RBFOX1: variants seen among roughly 807,000 people sequenced by gnomAD.
The protein encoded by RBFOX1 is RNA binding fox-1 homolog 1.
A neutral mutation model predicts 57.7 loss-of-function variants in RBFOX1; 8 were observed. The observed-to-expected ratio is 0.14, with a 90% CI of 0.08 to 0.25. The LOEUF (loss-of-function observed/expected upper bound fraction) is 0.25. Among genes scored for constraint, RBFOX1 ranks in the 10% least tolerant of loss-of-function variants. RBFOX1 has a pLI of 1.00. For missense variants in RBFOX1, 611 were observed against 548.5 expected, an observed-to-expected ratio of 1.11 and a Z score of -1.14; for synonymous variants, 326 against 222.4, an observed-to-expected ratio of 1.47 and a Z score of -4.15.
intron 2 of RBFOX1, among the ~76,000 whole-genome samples, chr16:6,505,624 G>C (rs933774740): frequency 6.6e-6 from 1 of 152,118 alleles, no homozygotes; most frequent in East Asian, 1.9e-4. Flanking sequence ...ATAAGGTATT[G>C]ATTTAATCCT....
At chr16:7,455,911 C>G (rs1459529597) in intron 4 of RBFOX1, among the ~76,000 whole-genome samples, 2 of 151,388 alleles carry the variant, frequency 1.3e-5, no homozygotes, top group Non-Finnish European at 2.9e-5. Flanking sequence ...TGTTTTTATT[C>G]TTACAGCACC....
intron 2 of RBFOX1, among the ~76,000 whole-genome samples, chr16:6,610,891 C>A (rs889894885): frequency 6.6e-6 from 1 of 152,176 alleles, no homozygotes; most frequent in Non-Finnish European, 1.5e-5. Context: ...TTTGATATGC[C>A]TGTTCCACTG....
chr16:6,878,672 G>C (rs571503630), intron 3 of RBFOX1, among the ~76,000 whole-genome samples: 1 of 152,258 alleles, frequency 6.6e-6, no homozygotes. Context: ...TAATTCAAAG[G>C]TAACTCAACA....
intron 2 of RBFOX1, among the ~76,000 whole-genome samples, chr16:6,532,771 G>A (rs375002994): frequency 4.6e-5 from 7 of 152,178 alleles, no homozygotes; most frequent in African/African-American, 1.2e-4. Flanking sequence ...GGCATTTACC[G>A]TCCCCACTCC....
intron 2 of RBFOX1, among the ~76,000 whole-genome samples, chr16:6,324,033 A>G (rs1230543216): frequency 1.3e-5 from 2 of 152,100 alleles, no homozygotes; most frequent in Non-Finnish European, 2.9e-5. Context: ...TCAGCCTCCC[A>G]AAGTGCTGAG....
At chr16:6,410,654 G>A (rs1567214461) in intron 2 of RBFOX1, among the ~76,000 whole-genome samples, 1 of 152,128 alleles carries the variant, frequency 6.6e-6, no homozygotes, top group Non-Finnish European at 1.5e-5. Context: ...AGACCAAGGC[G>A]TGCGGAAGCA....
chr16:5,917,223 G>A (rs1047663385), intron 4 of RBFOX1, among the ~76,000 whole-genome samples: 7 of 152,138 alleles, frequency 4.6e-5, no homozygotes, highest in Admixed American at 4.6e-4. Context: ...CACCCCAGAG[G>A]AGAGACTTGC....
chr16:7,240,003 G>C (rs955201334), intron 4 of RBFOX1, among the ~76,000 whole-genome samples: 1 of 152,164 alleles, frequency 6.6e-6, no homozygotes, highest in African/African-American at 2.4e-5. Flanking sequence ...GCCTAGCTCT[G>C]TCGCCCAGGC....
rs899722799 is a variant in RBFOX1 at position 7,235,634 on chromosome 16, T to A, written c.27+183536T>A. Among the ~76,000 whole-genome samples, 3 of 152,178 alleles carry A rather than the reference T, an allele frequency of 2.0e-5. No homozygotes were observed. The East Asian group carries it at 5.8e-4, about 29-fold the overall frequency. On this transcript the variant is annotated intron_variant, in intron 4 of 15. Transcript: ENST00000550418. ...GCCATATCTTGGGATGAATTAGCCT[T>A]TTGTGGGATGAATATGATGCCTCCC...
At chr16:6,834,680 G>A (rs2092956495) in intron 3 of RBFOX1, among the ~76,000 whole-genome samples, 1 of 152,110 alleles carries the variant, frequency 6.6e-6, no homozygotes, top group Non-Finnish European at 1.5e-5. Flanking sequence ...ATAAAATTTA[G>A]AATAATATTG....
chr16:5,739,670 C>T (rs368335848), intron 3 of RBFOX1, among the ~76,000 whole-genome samples: 6 of 152,134 alleles, frequency 3.9e-5, no homozygotes, highest in South Asian at 4.2e-4. Context: ...TTCTGTGCAC[C>T]CTAAGCTTCA....
chr16:7,421,121 G>A (rs1422576096), intron 4 of RBFOX1, among the ~76,000 whole-genome samples: 3 of 151,934 alleles, frequency 2.0e-5, no homozygotes, highest in African/African-American at 7.3e-5. Context: ...CTACAGGTTG[G>A]GCCAAGGTGG....
chr16:7,403,503 G>A (rs907632793), intron 4 of RBFOX1, among the ~76,000 whole-genome samples: 2 of 150,810 alleles, frequency 1.3e-5, no homozygotes, highest in East Asian at 2.0e-4. Flanking sequence ...TCTGTGTCTG[G>A]TTTATTTTCT....
chr16:7,349,529 C>CTT (rs77161628), intron 4 of RBFOX1, among the ~76,000 whole-genome samples: 26 of 150,738 alleles, frequency 1.7e-4, no homozygotes, highest in Middle Eastern at 3.5e-3. Context: ...ATTTAAAAGA[C>CTT]TTTTTTTTTT....
intron 4 of RBFOX1, among the ~76,000 whole-genome samples, chr16:7,436,509 C>G (rs1483154376): frequency 6.6e-6 from 1 of 152,194 alleles, no homozygotes; most frequent in African/African-American, 2.4e-5. Context: ...AACAGCATGG[C>G]GTTATGCCTC....
chr16:5,331,169 G>A (rs959692719), intron 1 of RBFOX1, among the ~76,000 whole-genome samples: 1 of 152,122 alleles, frequency 6.6e-6, no homozygotes, highest in Non-Finnish European at 1.5e-5. Context: ...CTCCGGATAG[G>A]GTAAGCCTGG....
intron 4 of RBFOX1, among the ~76,000 whole-genome samples, chr16:5,948,324 C>T (rs1208997082): frequency 1.3e-5 from 2 of 152,186 alleles, no homozygotes; most frequent in Non-Finnish European, 2.9e-5. Flanking sequence ...GTGGGAGACA[C>T]ATGGCCTTTG....
chr16:5,873,255 A>G (rs1020259655), intron 4 of RBFOX1, among the ~76,000 whole-genome samples: 3 of 152,222 alleles, frequency 2.0e-5, no homozygotes, highest in Admixed American at 6.5e-5. Flanking sequence ...TTGCTGTGCT[A>G]CCTTTGCAAC....
intron 2 of RBFOX1, among the ~76,000 whole-genome samples, chr16:6,628,873 A>G (rs372867910): frequency 1.5e-5 from 2 of 134,916 alleles, no homozygotes; most frequent in Non-Finnish European, 3.4e-5. Flanking sequence ...TACTGAAAAT[A>G]CAAAAAATTA....
Sources: gnomAD v4.1 joint callset for allele counts (sites outside exome capture counted in the v4.1 genomes callset) on GRCh38, gnomAD v4.1.1 for gene constraint, MANE v1.5 for transcripts, NCBI Gene and HGNC (gene_info 2026-07-23, HGNC 2026-07-21) for gene names.